Variants in TOX observed in about 807,000 individuals in gnomAD.
TOX encodes thymocyte selection-associated high mobility group box protein TOX.
In TOX, 11 loss-of-function variants were observed where a neutral mutation model predicts 53.7. That is an observed-to-expected ratio of 0.20 (90% confidence interval 0.13 to 0.34). The LOEUF is 0.34. Ranked by LOEUF, TOX falls within the 10% of genes least tolerant of loss-of-function variation. TOX has a pLI of 1.00. For missense variants in TOX, 570 were observed against 664.6 expected, an observed-to-expected ratio of 0.86 and a Z score of 1.56; for synonymous variants, 225 against 245.3, an observed-to-expected ratio of 0.92 and a Z score of 0.77.
chr8:58,809,811 TA>T (rs1810046412), intron 7 of TOX, among the ~76,000 whole-genome samples: 1 of 152,240 alleles, frequency 6.6e-6, no homozygotes, highest in Non-Finnish European at 1.5e-5. Flanking sequence ...AAGGCTGCTG[TA>T]AGCATCTTGA....
At chr8:59,079,247 A>T (rs1480258020) in intron 1 of TOX, among the ~76,000 whole-genome samples, 1 of 152,220 alleles carries the variant, frequency 6.6e-6, no homozygotes, top group Non-Finnish European at 1.5e-5. Flanking sequence ...GAATTAAAAA[A>T]TTTTAGTTAT....
chr8:58,923,222 G>T (rs1812101652), intron 3 of TOX, among the ~76,000 whole-genome samples: 1 of 152,164 alleles, frequency 6.6e-6, no homozygotes, highest in African/African-American at 2.4e-5. Flanking sequence ...GAGTCAGGAG[G>T]CGAGGCCAGT....
At chr8:58,811,019 T>A (rs1349803224) in intron 7 of TOX, among the ~76,000 whole-genome samples, 2 of 152,222 alleles carry the variant, frequency 1.3e-5, no homozygotes, top group African/African-American at 4.8e-5. Flanking sequence ...ATGTCTATTT[T>A]AAGATCACTA....
Position 58,807,478 on chromosome 8 carries a change from G to T in TOX, c.*269C>A. On this transcript the variant is annotated 3_prime_UTR_variant, in exon 9 of 9. Coordinates refer to ENST00000361421, the MANE Select transcript of TOX (RefSeq NM_014729.3). ...TTGCTAAGGCAGTTACTAGAGCGCA[G>T]CACTTCACAGCAAAAAACCAACATA... The T allele has an allele frequency of 2.5e-6, 1 of 396,052 alleles. No homozygotes were observed. Among genetic ancestry groups the T allele is most frequent in the Non-Finnish European group, 4.6e-6 (1 of 216,400 alleles). 24.5% of individuals were successfully genotyped at this position (396,052 alleles called of 1,614,324 possible).
chr8:59,069,374 T>C (rs1234419061), intron 1 of TOX, among the ~76,000 whole-genome samples: 1 of 152,034 alleles, frequency 6.6e-6, no homozygotes, highest in Non-Finnish European at 1.5e-5. Context: ...CAAACAGGCT[T>C]GGGAGGAGAG....
intron 1 of TOX, among the ~76,000 whole-genome samples, chr8:59,039,983 A>T (rs1803545818): frequency 6.6e-6 from 1 of 152,256 alleles, no homozygotes; most frequent in East Asian, 1.9e-4. Flanking sequence ...CTTGCTTAAC[A>T]GAAATTCACG....
intron 1 of TOX, among the ~76,000 whole-genome samples, chr8:59,092,262 A>ATT (rs376312907): frequency 1.7e-5 from 1 of 57,736 alleles, no homozygotes; most frequent in Admixed American, 2.1e-4. Context: ...ATATATATAT[A>ATT]TTTTATATAT....
chr8:58,969,331 T>C (rs184286057), intron 1 of TOX, among the ~76,000 whole-genome samples: 293 of 152,320 alleles, frequency 1.9e-3, no homozygotes, highest in Admixed American at 3.7e-3. Context: ...CTTCACGACA[T>C]TGAGTATGAG....
intron 3 of TOX, among the ~76,000 whole-genome samples, chr8:58,899,736 GA>G (rs1811703084): frequency 1.3e-5 from 2 of 152,214 alleles, no homozygotes; most frequent in East Asian, 3.9e-4. Flanking sequence ...AATGCTCCTG[GA>G]ACATTTTGGA....
chr8:59,102,667 CA>C, intron 1 of TOX, among the ~76,000 whole-genome samples: 1 of 152,246 alleles, frequency 6.6e-6, no homozygotes, highest in Non-Finnish European at 1.5e-5. Flanking sequence ...ATGGGAGCTA[CA>C]AGATGAGATT....
intron 1 of TOX, among the ~76,000 whole-genome samples, chr8:59,018,044 A>T (rs373254804): frequency 6.6e-6 from 1 of 152,068 alleles, no homozygotes; most frequent in African/African-American, 2.4e-5. Flanking sequence ...TAAAGGCTTT[A>T]TTTTTTATAT....
At position 58,806,774 on chromosome 8, in the gene TOX, AC is replaced by A. The variant is rs1372381332; in HGVS notation, c.*972del. The A allele has an allele frequency of 6.6e-6, 1 of 152,640 alleles. No individual in the cohort carries two copies. The highest frequency in any genetic ancestry group is 2.1e-4 in the South Asian group (1 of 4,828). The allele number at this position is 152,640 out of a possible 1,614,324, so 9.5% of individuals were successfully genotyped here. ...AACATCAAAGAAACCTCTTTCAAAT[AC>A]TAACAAATTTACTTACAAACACCTA... is the stretch of plus-strand genomic sequence containing the variant. On this transcript the variant is annotated 3_prime_UTR_variant, in exon 9 of 9. Coordinates refer to ENST00000361421, the MANE Select transcript of TOX (RefSeq NM_014729.3).
At chr8:58,902,132 T>A (rs1269366364) in intron 3 of TOX, among the ~76,000 whole-genome samples, 1 of 152,212 alleles carries the variant, frequency 6.6e-6, no homozygotes, top group Non-Finnish European at 1.5e-5. Context: ...AATCTGTTAT[T>A]TCAAATTAGG....
intron 1 of TOX, among the ~76,000 whole-genome samples, chr8:59,064,478 C>G (rs964313745): frequency 1.6e-4 from 24 of 152,194 alleles, no homozygotes; most frequent in Non-Finnish European, 3.4e-4. Context: ...AATGAGAAAG[C>G]ACATTAACCA....
chr8:59,040,474 G>A (rs575748162), intron 1 of TOX, among the ~76,000 whole-genome samples: 1 of 152,222 alleles, frequency 6.6e-6, no homozygotes, highest in Admixed American at 6.5e-5. Context: ...TGCCAATCAT[G>A]GGCATTTTGT....
chr8:58,923,136 G>T (rs1170630198), intron 3 of TOX, among the ~76,000 whole-genome samples: 1 of 152,094 alleles, frequency 6.6e-6, no homozygotes, highest in Non-Finnish European at 1.5e-5. Flanking sequence ...AGTCACTGAA[G>T]GGTGGTCAAT....
Position 58,932,394 on chromosome 8 carries a change from G to T in TOX, c.411+6908C>A, listed in dbSNP as rs548861576. Among the ~76,000 whole-genome samples the T allele has an allele frequency of 2.0e-5, 3 of 151,936 alleles. No individual in the cohort carries two copies. In the East Asian group the frequency reaches 5.8e-4, roughly 29 times the overall value. ...TAAAGTGGCAAAATTATTTTTTATG[G>T]CTTATTTTCCTCTTTGTTTAAAGAA... is the stretch of plus-strand genomic sequence containing the variant. On this transcript the variant is annotated intron_variant, in intron 3 of 8. Transcript: ENST00000361421.
At chr8:58,975,245 TAC>T (rs34016906) in intron 1 of TOX, among the ~76,000 whole-genome samples, 75,243 of 140,000 alleles carry the variant, frequency 0.54, 20,860 homozygotes, top group Non-Finnish European at 0.62. Flanking sequence ...GATATATATA[TAC>T]ACACACACAC....
intron 3 of TOX, among the ~76,000 whole-genome samples, chr8:58,855,310 A>G (rs962029955): frequency 2.0e-5 from 3 of 152,196 alleles, no homozygotes; most frequent in African/African-American, 7.2e-5. Context: ...TAAGTCTGCA[A>G]TTGCTTGTGA....
Sources: allele counts gnomAD v4.1 joint callset (sites outside exome capture counted in the v4.1 genomes callset), GRCh38; gene constraint gnomAD v4.1.1; transcripts MANE v1.5; gene names NCBI Gene and HGNC (gene_info 2026-07-23, HGNC 2026-07-21).